NOVA1: variants seen among roughly 807,000 people sequenced by gnomAD.
The protein encoded by NOVA1 is RNA-binding protein Nova-1.
NOVA1 carries 7 observed loss-of-function variants against 38.0 expected under a neutral mutation model. The observed-to-expected ratio is 0.18, with a 90% CI of 0.10 to 0.35. NOVA1 has a LOEUF of 0.35. NOVA1 is among the 10% of genes least tolerant of loss of function. NOVA1 has a pLI of 1.00. For synonymous variants in NOVA1, 270 were observed against 232.5 expected, an observed-to-expected ratio of 1.16 and a Z score of -1.47; for missense variants, 460 against 616.0, an observed-to-expected ratio of 0.75 and a Z score of 2.68.
intron 4 of NOVA1, among the ~76,000 whole-genome samples, chr14:26,451,796 G>A (rs1314282200): frequency 6.6e-6 from 1 of 151,996 alleles, no homozygotes; most frequent in African/African-American, 2.4e-5. Context: ...TATATTAAAG[G>A]TGCTTTTATG....
At chr14:26,570,559 G>GTGTATGTGTATACATATGTGTATGTGTAC (rs1250116544) in intron 2 of NOVA1, among the ~76,000 whole-genome samples, 11 of 145,530 alleles carry the variant, frequency 7.6e-5, no homozygotes, top group Middle Eastern at 3.4e-3. Flanking sequence ...ATTTGTATAT[G>GTGTATGTGTATACATATGTGTATGTGTAC]TGTATGTGTA....
rs187694970 is a variant in NOVA1, at chr14:26,446,245, G to A, written c.*1714C>T. On this transcript the variant is annotated 3_prime_UTR_variant, in exon 5 of 5. Transcript: ENST00000539517. ...GGAAGGGATCAGGAAATAATTTCAAGTTCTCAATGTCCAAAAGTAAATTGC... is the reference window on the plus strand; with the variant it reads ...GGAAGGGATCAGGAAATAATTTCAAATTCTCAATGTCCAAAAGTAAATTGC... 2.9e-4 allele frequency: 44 copies of A among 152,414 alleles called. No individual in the cohort carries two copies. In the East Asian group the frequency reaches 7.9e-3, roughly 27 times the overall value. The allele number at this position is 152,414 out of a possible 1,614,324, so 9.4% of individuals were successfully genotyped here.
intron 4 of NOVA1, among the ~76,000 whole-genome samples, chr14:26,459,415 G>A (rs1183675438): frequency 8.6e-5 from 13 of 151,996 alleles, no homozygotes; most frequent in Admixed American, 8.5e-4. Flanking sequence ...GTGTGTATTA[G>A]GCTATACCTT....
intron 2 of NOVA1, among the ~76,000 whole-genome samples, chr14:26,560,024 C>T (rs190567337): frequency 5.3e-5 from 8 of 151,624 alleles, no homozygotes; most frequent in South Asian, 4.2e-4. Context: ...TAATTTAATA[C>T]ATTTTGTATA....
intron 2 of NOVA1, among the ~76,000 whole-genome samples, chr14:26,528,555 G>A (rs1194367880): frequency 6.6e-6 from 1 of 152,088 alleles, no homozygotes; most frequent in Non-Finnish European, 1.5e-5. Flanking sequence ...AACCCTGGCT[G>A]TAGAAAAAAG....
chr14:26,556,862 C>T (rs538797187), intron 2 of NOVA1, among the ~76,000 whole-genome samples: 2 of 152,170 alleles, frequency 1.3e-5, no homozygotes, highest in East Asian at 1.9e-4. Flanking sequence ...AAAAAGCGTA[C>T]GAAAAGATGC....
chr14:26,591,721 A>T, intron 2 of NOVA1, among the ~76,000 whole-genome samples: 1 of 151,598 alleles, frequency 6.6e-6, no homozygotes, highest in East Asian at 1.9e-4. Flanking sequence ...CCCCTTTTCA[A>T]AATAAAAGCA....
intron 2 of NOVA1, among the ~76,000 whole-genome samples, chr14:26,523,276 C>T (rs986217152): frequency 2.0e-5 from 3 of 152,156 alleles, no homozygotes; most frequent in Non-Finnish European, 4.4e-5. Context: ...GTTGGTAATG[C>T]TGCAATGAGT....
chr14:26,585,202 A>G (rs1184350757), intron 2 of NOVA1, among the ~76,000 whole-genome samples: 1 of 151,426 alleles, frequency 6.6e-6, no homozygotes, highest in Non-Finnish European at 1.5e-5. Flanking sequence ...TTTAAATTGC[A>G]TATATTTACA....
At chr14:26,469,816 G>T (rs138486126) in intron 4 of NOVA1, among the ~76,000 whole-genome samples, 1,898 of 152,164 alleles carry the variant, frequency 0.012, 20 homozygotes, top group Middle Eastern at 0.037. Flanking sequence ...GCCCAGGATG[G>T]TCTCAAACTC....
chr14:26,542,409 C>G (rs35019381), intron 2 of NOVA1, among the ~76,000 whole-genome samples: 1 of 151,704 alleles, frequency 6.6e-6, no homozygotes, highest in Non-Finnish European at 1.5e-5. Context: ...CTACTTTTGA[C>G]TAAATTTCAG....
At chr14:26,494,330 G>T (rs749993204) in intron 2 of NOVA1, among the ~76,000 whole-genome samples, 24 of 152,146 alleles carry the variant, frequency 1.6e-4, no homozygotes, top group Non-Finnish European at 2.8e-4. Flanking sequence ...CAAATCCCAG[G>T]TTTTGGGGGA....
In NOVA1 at chr14:26,450,469, AATTT is replaced by A. The variant is rs1471868945; in HGVS notation, c.520-1510_520-1507del. ...AAGAAATTTAATTTTGTTTCATTAC[AATTT>A]ATTAATACAATCATTTCATTTTATG... On this transcript the variant is annotated intron_variant, in intron 4 of 4. Coordinates refer to ENST00000539517, the MANE Select transcript of NOVA1 (RefSeq NM_002515.3). 3.3e-5 allele frequency among the ~76,000 whole-genome samples: 5 copies of A among 152,198 alleles called. No individual in the cohort carries two copies. In the Middle Eastern group the frequency reaches 0.01, roughly 311 times the overall value.
Position 26,448,523 on chromosome 14 carries a change from A to T in NOVA1, c.960T>A (p.Asn320Lys). The T allele has an allele frequency of 6.2e-7, 1 of 1,614,200 alleles. No individual in the cohort carries two copies. Among genetic ancestry groups the T allele is most frequent in the Non-Finnish European group, 8.5e-7 (1 of 1,180,044 alleles). The change falls in exon 5 of 5, where the codon AAT (asparagine) becomes AAA (lysine). Residue 320 changes from asparagine to lysine, a missense_variant. By Grantham distance (94) the Asn-to-Lys change is moderately conservative. Coordinates refer to ENST00000539517, the MANE Select transcript of NOVA1 (RefSeq NM_002515.3). The surrounding 1 kb of genome is among the most constrained non-coding windows in gnomAD (Gnocchi z 5.3). Reference protein sequence around the residue: ...NDLVAITSALNTLASYGYNLN... With the variant: ...NDLVAITSALKTLASYGYNLN... ...GATTATATCCATAGCTGGCTAATGT[A>T]TTAAGTGCAGAGGTGATGGCCACCA...
intron 2 of NOVA1, among the ~76,000 whole-genome samples, chr14:26,505,164 G>C (rs974354450): frequency 2.0e-5 from 3 of 152,140 alleles, no homozygotes; most frequent in Admixed American, 2.0e-4. Context: ...GAAGCAACAT[G>C]AACGCTGCAC....
intron 2 of NOVA1, chr14:26,592,782 T>C (rs945537873): frequency 6.6e-6 from 1 of 151,740 alleles, no homozygotes; most frequent in African/African-American, 2.4e-5. Context: ...CTATAATTTC[T>C]TTAAAGTACC....
intron 2 of NOVA1, among the ~76,000 whole-genome samples, chr14:26,574,728 G>A (rs571007736): frequency 1.4e-4 from 21 of 152,128 alleles, no homozygotes; most frequent in Non-Finnish European, 2.5e-4. Flanking sequence ...GTGAGATCAC[G>A]CTCACTGCAC....
At chr14:26,545,030 C>A (rs528225296) in intron 2 of NOVA1, among the ~76,000 whole-genome samples, 2 of 152,124 alleles carry the variant, frequency 1.3e-5, no homozygotes, top group Non-Finnish European at 2.9e-5. Context: ...AGGAGTAGCA[C>A]TCATATTATA....
chr14:26,449,479 G>C (rs941710054), intron 4 of NOVA1, among the ~76,000 whole-genome samples: 5 of 152,016 alleles, frequency 3.3e-5, no homozygotes, highest in African/African-American at 1.2e-4. Context: ...TTATCACCCA[G>C]TAATTTTTTT....
Sources: allele counts gnomAD v4.1 joint callset (sites outside exome capture counted in the v4.1 genomes callset), GRCh38; gene constraint gnomAD v4.1.1; non-coding constraint Gnocchi (gnomAD v3.1); transcripts MANE v1.5; gene names NCBI Gene and HGNC (gene_info 2026-07-23, HGNC 2026-07-21).